Variants in USH1C observed in about 807,000 individuals in gnomAD.
USH1C encodes the protein USH1 protein network component harmonin.
Under a neutral mutation model 119.3 loss-of-function variants are expected in USH1C, and 90 were observed. The ratio of observed to expected loss-of-function variants is 0.75; its 90% CI spans 0.64 to 0.90. The LOEUF is 0.90. Among genes scored for constraint, USH1C ranks in the 40% least tolerant of loss-of-function variants. The pLI is 0.00. For missense variants in USH1C, 1,165 were observed against 1,167.7 expected, an observed-to-expected ratio of 1.00 and a Z score of 0.03; for synonymous variants, 465 against 443.3, an observed-to-expected ratio of 1.05 and a Z score of -0.62.
intron 4 of USH1C, among the ~76,000 whole-genome samples, chr11:17,528,244 G>C (rs1232492896): frequency 6.6e-6 from 1 of 152,186 alleles, no homozygotes; most frequent in Admixed American, 6.5e-5. Context: ...TCAGGGCTTA[G>C]GCCACAGTGG....
intron 1 of USH1C, among the ~76,000 whole-genome samples, chr11:17,541,913 A>C (rs555767042): frequency 1.3e-4 from 20 of 152,338 alleles, no homozygotes; most frequent in African/African-American, 4.8e-4. Context: ...ACTAAAACTC[A>C]GGGAGAGTGG....
chr11:17,521,717 G>A (rs888450548), intron 12 of USH1C, among the ~76,000 whole-genome samples: 10 of 152,178 alleles, frequency 6.6e-5, no homozygotes, highest in East Asian at 1.9e-4. Flanking sequence ...GATGACAGGC[G>A]GGGCCTGGAC....
At chr11:17,506,509 C>A (rs1849654432) in intron 18 of USH1C, among the ~76,000 whole-genome samples, 1 of 152,170 alleles carries the variant, frequency 6.6e-6, no homozygotes, top group African/African-American at 2.4e-5. Flanking sequence ...GCCCCCAAAC[C>A]CTCCCCAGTG....
chr11:17,539,380 C>T (rs1266142395), intron 1 of USH1C, among the ~76,000 whole-genome samples: 13 of 152,230 alleles, frequency 8.5e-5, no homozygotes, highest in African/African-American at 3.1e-4. Context: ...GTCTGCTCCT[C>T]TCTGTGCCTC....
rs1346993396 is a variant in USH1C at position 17,516,471 on chromosome 11, T to G, written c.1211-181A>C. The G allele has an allele frequency of 1.2e-5, 8 of 680,308 alleles. No individual in the cohort carries two copies. In the East Asian group the frequency reaches 2.3e-4, roughly 19 times the overall value. 42.1% of individuals were successfully genotyped at this position (680,308 alleles called of 1,614,324 possible). On this transcript the variant is annotated intron_variant, in intron 14 of 26. Coordinates refer to ENST00000005226, the MANE Select transcript of USH1C (RefSeq NM_153676.4). ...TCGGCTTACCTGGCCTTGCCTTGGT[T>G]GCAGAACAGGCCTAAGACCACCGAG...
Position 17,513,987 on chromosome 11 carries a change from CCA to C in USH1C, c.1261-1935_1261-1934del, listed in dbSNP as rs1235576769. 7.2e-5 allele frequency among the ~76,000 whole-genome samples: 11 copies of C among 152,252 alleles called. No individual in the cohort carries two copies. In the East Asian group the frequency reaches 2.1e-3, roughly 29 times the overall value. On this transcript the variant is annotated intron_variant, in intron 15 of 26. Transcript: ENST00000005226. Reference sequence around the variant, plus strand: ...ATTTCCCACTGATCTCAGACTGGCCCCACACAGGTTACTTAGCTGTGTGTGAA... The same window carrying C: ...ATTTCCCACTGATCTCAGACTGGCCCCACAGGTTACTTAGCTGTGTGTGAA...
Position 17,544,342 on chromosome 11 carries a change from C to G in USH1C, c.-35G>C. On this transcript the variant is annotated 5_prime_UTR_variant, in exon 1 of 27. Coordinates refer to ENST00000005226, the MANE Select transcript of USH1C (RefSeq NM_153676.4). ...AGGTCCAGCTGCGTCGTTGCACGAC[C>G]CGTTCCTTCGGGTGCCCGGCTGCCA... is the stretch of plus-strand genomic sequence containing the variant. 1.9e-6 allele frequency: 3 copies of G among 1,613,740 alleles called. No homozygotes were observed. The highest frequency in any genetic ancestry group is 2.5e-6 in the Non-Finnish European group (3 of 1,179,896).
At chr11:17,513,781 A>G (rs1052599164) in intron 15 of USH1C, among the ~76,000 whole-genome samples, 2 of 152,172 alleles carry the variant, frequency 1.3e-5, no homozygotes, top group Non-Finnish European at 2.9e-5. Context: ...GGCCTCCTCC[A>G]GGACCACCAC....
In USH1C at chr11:17,509,498, G is replaced by T. The variant is rs778700091; in HGVS notation, c.1871C>A (p.Ser624Ter). Residue 624 changes from serine (S) to a stop codon, truncating the protein, a stop_gained, in exon 18 of 27, where the codon TCG (serine) becomes TAG (stop). Coordinates refer to ENST00000005226, the MANE Select transcript of USH1C (RefSeq NM_153676.4). LOFTEE classifies it high-confidence loss of function. ...GTTGCTCAGTGCTTCTTCCAGCGCC[G>T]AGGGCAGTGGGCGGGTGGGAGTGAG... ...QDLTPTRPLP[S>*]ALEEALSNHP... is the part of the protein sequence containing the mutation. 1.5e-5 allele frequency: 24 copies of T among 1,612,748 alleles called. No homozygotes were observed. The highest frequency in any genetic ancestry group is 1.9e-5 in the Non-Finnish European group (23 of 1,179,602).
At chr11:17,504,591 TG>T in intron 20 of USH1C, 55 bp downstream of exon 20, 1 of 1,584,596 alleles carries the variant, frequency 6.3e-7, no homozygotes, top group Non-Finnish European at 8.7e-7. Flanking sequence ...TGGCACAGAG[TG>T]GGAGGGACGG....
Position 17,531,468 on chromosome 11 carries a change from T to A in USH1C, c.179A>T (p.Asp60Val), listed in dbSNP as rs1850978124. The A allele has an allele frequency of 6.2e-7, 1 of 1,613,968 alleles. No homozygotes were observed. The highest frequency in any genetic ancestry group is 1.3e-5 in the African/African-American group (1 of 74,912). ...CAGTGGGATCAGCGGCCGAATGGCA[T>A]CAAACAGAGGCAGACGGCTGGGTTC... ...INEPSRLPLF[D>V]AIRPLIPLKH... The change falls in exon 3 of 27, where the codon GAT becomes GTT. Residue 60 changes from aspartate to valine, a missense_variant. Physicochemically the swap from Asp to Val is radical, Grantham distance 152 (BLOSUM62 -3). Coordinates refer to ENST00000005226, the MANE Select transcript of USH1C (RefSeq NM_153676.4). This position sits in a 1 kb window ranked among gnomAD's most constrained non-coding sequence, Gnocchi z 4.2.
At chr11:17,517,733 G>A (rs1850220364) in intron 14 of USH1C, among the ~76,000 whole-genome samples, 1 of 152,228 alleles carries the variant, frequency 6.6e-6, no homozygotes, top group Middle Eastern at 3.2e-3. Context: ...TCAGATCTGA[G>A]GGTAGCATGA....
chr11:17,506,546 C>T lies in USH1C; in HGVS notation c.2014-597G>A, dbSNP rs185794378. The stretch of plus-strand genomic sequence containing the variant: ...CCGCATTGACTACTGAGCTCATTGG[C>T]TTGACTCCCAAGGCCTTTCATGAGC... On this transcript the variant is annotated intron_variant, in intron 18 of 26. Transcript: ENST00000005226. Among the ~76,000 whole-genome samples, 120 of 152,326 alleles carry T rather than the reference C, an allele frequency of 7.9e-4. 1 individual carries two copies. The highest frequency in any genetic ancestry group is 3.4e-3 in the Middle Eastern group (1 of 294).
intron 23 of USH1C, among the ~76,000 whole-genome samples, chr11:17,500,727 C>G (rs1208746354): frequency 6.6e-6 from 1 of 152,168 alleles, no homozygotes; most frequent in African/African-American, 2.4e-5. Context: ...GTTCCCATGG[C>G]TTCCCTCCAC....
rs762549947 is a variant in USH1C, at chr11:17,505,910, C to T, written c.2053G>A (p.Val685Met). 33 of 1,614,068 alleles carry T rather than the reference C, an allele frequency of 2.0e-5. No individual in the cohort carries two copies. Among genetic ancestry groups the T allele is most frequent in the South Asian group, 1.3e-4 (12 of 91,084 alleles). Residue 685 changes from valine to methionine, a missense_variant, in exon 19 of 27, where the codon GTG becomes ATG. By Grantham distance (21) the Val-to-Met change is conservative. Transcript: ENST00000005226. The stretch of plus-strand genomic sequence containing the variant: ...ATGACAGGTTTGGAGATGGTGGACA[C>T]GCCAGGGCCTCGTGGAGGCTGTGGG... Reference protein sequence around the residue: ...PSPQPPRGPGVSTISKPVMVH... With the variant: ...PSPQPPRGPGMSTISKPVMVH...
intron 14 of USH1C, among the ~76,000 whole-genome samples, chr11:17,517,075 A>T (rs560416630): frequency 3.5e-4 from 54 of 152,170 alleles, no homozygotes; most frequent in Non-Finnish European, 7.2e-4. Flanking sequence ...CTACCTCCTC[A>T]GTTGCTGGAT....
intron 23 of USH1C, 51 bp downstream of exon 23, chr11:17,501,000 G>T: frequency 6.5e-7 from 1 of 1,529,432 alleles, no homozygotes; most frequent in South Asian, 1.1e-5. Flanking sequence ...GGAGGGCCCC[G>T]TCTAACCACT....
chr11:17,495,727 C>A, intron 25 of USH1C, 50 bp from the exon 26 acceptor site: 2 of 1,589,610 alleles, frequency 1.3e-6, no homozygotes, highest in Non-Finnish European at 8.6e-7. Flanking sequence ...TGGTTACTCC[C>A]AGGCAGAGCT....
chr11:17,506,059 A>T, intron 18 of USH1C, 110 bp from the exon 19 acceptor site: 18 of 1,522,166 alleles, frequency 1.2e-5, no homozygotes, highest in Non-Finnish European at 1.6e-5. Flanking sequence ...ATGTGAAGCC[A>T]GCCTGGTCAT....
Sources: gnomAD v4.1 joint callset for allele counts (sites outside exome capture counted in the v4.1 genomes callset) on GRCh38, gnomAD v4.1.1 for gene constraint, Gnocchi (gnomAD v3.1) non-coding constraint, MANE v1.5 for transcripts, NCBI Gene and HGNC (gene_info 2026-07-23, HGNC 2026-07-21) for gene names.